RANBP2: variants seen among roughly 807,000 people sequenced by gnomAD.
RANBP2 encodes RAN binding protein 2.
Under a neutral mutation model 303.6 loss-of-function variants are expected in RANBP2, and 57 were observed. That is an observed-to-expected ratio of 0.19 (90% confidence interval 0.15 to 0.23). RANBP2 has a LOEUF of 0.23. RANBP2 is among the 10% of genes least tolerant of loss of function. The pLI is 1.00. For synonymous variants in RANBP2, 1,167 were observed against 1,301.5 expected, an observed-to-expected ratio of 0.90 and a Z score of 2.23; for missense variants, 3,138 against 3,780.8, an observed-to-expected ratio of 0.83 and a Z score of 4.46.
chr2:108,856,959 C>T, the RANBP2 span: 17 of 1,581,554 alleles, frequency 1.1e-5, no homozygotes, highest in East Asian at 1.4e-4. Context: ...CTCCAGATGA[C>T]GGTGGAATCT....
the RANBP2 span, among the ~76,000 whole-genome samples, chr2:109,559,177 C>G: frequency 6.6e-6 from 1 of 152,182 alleles, no homozygotes; most frequent in African/African-American, 2.4e-5. Flanking sequence ...TAAGCCACCA[C>G]GCCTGGCCAG....
chr2:109,613,677 G>A, the RANBP2 span: 1 of 650,634 alleles, frequency 1.5e-6, no homozygotes, highest in Non-Finnish European at 2.1e-6. Context: ...TGGGCGGGCG[G>A]GGCCGGAGGG....
the RANBP2 span, among the ~76,000 whole-genome samples, chr2:109,255,298 C>T: frequency 2.6e-5 from 4 of 152,270 alleles, no homozygotes; most frequent in South Asian, 4.1e-4. Flanking sequence ...TTCCAGCAGA[C>T]CCCATACCAC....
intron 1 of RANBP2, 60 bp downstream of exon 1, chr2:108,719,738 C>T: frequency 6.5e-7 from 1 of 1,549,512 alleles, no homozygotes; most frequent in African/African-American, 1.4e-5. Flanking sequence ...CCTCGCGCTG[C>T]TCAGGCGTCA....
chr2:109,472,107 AATT>A, the RANBP2 span, among the ~76,000 whole-genome samples: 5 of 152,188 alleles, frequency 3.3e-5, no homozygotes, highest in African/African-American at 4.8e-5. Flanking sequence ...TTAGATTGTT[AATT>A]ATTATTAATT....
the RANBP2 span, chr2:109,437,069 C>T: frequency 6.2e-7 from 1 of 1,613,740 alleles, no homozygotes; most frequent in Non-Finnish European, 8.5e-7. Flanking sequence ...CACCCCACAG[C>T]CTCGCCCCCA....
the RANBP2 span, among the ~76,000 whole-genome samples, chr2:108,811,736 A>G: frequency 6.6e-6 from 1 of 152,138 alleles, no homozygotes; most frequent in African/African-American, 2.4e-5. Flanking sequence ...CATTGTACCC[A>G]GTAGGTTAAT....
chr2:108,889,074 A>G, the RANBP2 span, among the ~76,000 whole-genome samples: 1 of 152,010 alleles, frequency 6.6e-6, no homozygotes. Flanking sequence ...ATTCAGAAGC[A>G]TGCTGTTTAA....
intron 6 of RANBP2, among the ~76,000 whole-genome samples, chr2:108,739,219 T>C (rs1343904671): frequency 2.0e-5 from 3 of 151,816 alleles, no homozygotes; most frequent in African/African-American, 7.3e-5. Flanking sequence ...CAGCTAACAA[T>C]GGTGAAACCT....
the RANBP2 span, among the ~76,000 whole-genome samples, chr2:109,339,223 C>T: frequency 1.4e-5 from 2 of 145,592 alleles, no homozygotes; most frequent in Non-Finnish European, 3.0e-5. Context: ...AAAAAATCCA[C>T]GTATAAGTAG....
the RANBP2 span, among the ~76,000 whole-genome samples, chr2:109,111,096 T>C: frequency 6.6e-6 from 1 of 152,168 alleles, no homozygotes; most frequent in Non-Finnish European, 1.5e-5. Flanking sequence ...TCCAGTTACC[T>C]CTTGAACATC....
the RANBP2 span, among the ~76,000 whole-genome samples, chr2:109,134,186 G>A: frequency 6.6e-6 from 1 of 152,160 alleles, no homozygotes; most frequent in Non-Finnish European, 1.5e-5. Flanking sequence ...TTATTTTGAG[G>A]CCCAGAGAGA....
chr2:109,596,929 A>AT, the RANBP2 span, among the ~76,000 whole-genome samples: 11 of 152,142 alleles, frequency 7.2e-5, no homozygotes, highest in Admixed American at 1.3e-4. Context: ...GATTTTCTTA[A>AT]TTTTTTTAAA....
chr2:108,890,320 C>T, the RANBP2 span, among the ~76,000 whole-genome samples: 1 of 147,844 alleles, frequency 6.8e-6, no homozygotes, highest in East Asian at 2.0e-4. Flanking sequence ...TATGGGCTTA[C>T]TGCAGCCTCT....
the RANBP2 span, among the ~76,000 whole-genome samples, chr2:109,441,235 T>C: frequency 2.6e-5 from 4 of 151,970 alleles, no homozygotes; most frequent in Non-Finnish European, 5.9e-5. Flanking sequence ...ATATGACTTA[T>C]AATGAAGGGA....
the RANBP2 span, among the ~76,000 whole-genome samples, chr2:109,418,708 T>C: frequency 6.6e-5 from 10 of 152,206 alleles, no homozygotes; most frequent in Non-Finnish European, 8.8e-5. Flanking sequence ...GTGCCAGGGC[T>C]GGGACTTGGA....
At chr2:109,668,989 C>A in the RANBP2 span, among the ~76,000 whole-genome samples, 2 of 152,162 alleles carry the variant, frequency 1.3e-5, no homozygotes, top group African/African-American at 4.8e-5. Context: ...GTAACCAAAT[C>A]TGCATGACCA....
In RANBP2 at chr2:108,736,101, T is replaced by C. The variant is rs1342668189; in HGVS notation, c.637-3T>C. On this transcript the variant is annotated splice_polypyrimidine_tract_variant and splice_region_variant and intron_variant, in intron 5 of 28. Transcript: ENST00000283195. ...GTAACTTACTGTTCATTCCACAAAATAGGAATATCTGGAGTCTTTACAGTG... is the reference window on the plus strand; with the variant it reads ...GTAACTTACTGTTCATTCCACAAAACAGGAATATCTGGAGTCTTTACAGTG... 5 of 1,611,804 alleles carry C rather than the reference T, an allele frequency of 3.1e-6. No individual in the cohort carries two copies. The highest frequency in any genetic ancestry group is 1.7e-5 in the Admixed American group (1 of 60,002).
chr2:109,637,552 C>T, the RANBP2 span, among the ~76,000 whole-genome samples: 136,260 of 152,086 alleles, frequency 0.9, 61,074 homozygotes, highest in Middle Eastern at 0.97. Flanking sequence ...CAGTGCATTG[C>T]GCCCCTGGTT....
Sources: gnomAD v4.1 joint callset for allele counts (sites outside exome capture counted in the v4.1 genomes callset) on GRCh38, gnomAD v4.1.1 for gene constraint, MANE v1.5 for transcripts, NCBI Gene and HGNC (gene_info 2026-07-23, HGNC 2026-07-21) for gene names.